FSD1L: variants seen among roughly 807,000 people sequenced by gnomAD.
The protein encoded by FSD1L is fibronectin type III and SPRY domain containing 1 like.
Under a neutral mutation model 71.6 loss-of-function variants are expected in FSD1L, and 45 were observed. The ratio of observed to expected loss-of-function variants is 0.63; its 90% CI spans 0.49 to 0.81. FSD1L has a LOEUF of 0.81. Among genes scored for constraint, FSD1L ranks in the 30% least tolerant of loss-of-function variants. The pLI, the probability that FSD1L is intolerant of heterozygous loss-of-function variation, is 0.00. For missense variants in FSD1L, 561 were observed against 618.1 expected (o/e 0.91, Z 0.98); for synonymous variants, 197 against 207.2 (o/e 0.95, Z 0.42).
At chr9:105,493,753 C>CTT (rs2131301709) in intron 7 of FSD1L, among the ~76,000 whole-genome samples, 1 of 151,800 alleles carries the variant, frequency 6.6e-6, no homozygotes, top group East Asian at 1.9e-4. Flanking sequence ...TTCTCCTTCA[C>CTT]TTATGAAGCT....
At chr9:105,526,269 C>T in intron 10 of FSD1L, 3 of 1,603,720 alleles carry the variant, frequency 1.9e-6, no homozygotes, top group South Asian at 1.1e-5. Flanking sequence ...TTGTCCAGCA[C>T]CACTTAGAAC....
At chr9:105,453,493 T>TTG (rs146784407) in intron 1 of FSD1L, among the ~76,000 whole-genome samples, 2,433 of 150,540 alleles carry the variant, frequency 0.016, 33 homozygotes, top group African/African-American at 0.028. Flanking sequence ...TATTTTTATT[T>TTG]TGTGTGTGTG....
chr9:105,489,637 T>A (rs1368237426), intron 7 of FSD1L, among the ~76,000 whole-genome samples: 1 of 152,152 alleles, frequency 6.6e-6, no homozygotes, highest in East Asian at 1.9e-4. Flanking sequence ...GTATATCTCC[T>A]AAAGCTATCC....
chr9:105,496,202 C>CTTTTTTT lies in FSD1L; in HGVS notation c.587-10184_587-10178dup, dbSNP rs542818608. 1.5e-4 allele frequency among the ~76,000 whole-genome samples: 17 copies of CTTTTTTT among 113,242 alleles called. 1 individual carries two copies. The highest frequency in any genetic ancestry group is 2.2e-4 in the Non-Finnish European group (12 of 55,778). The allele number at this position is 113,242 out of a possible 152,430, so 74.3% of individuals were successfully genotyped here. ...CAGTACCAGGTCTTGATGACTGTAG[C>CTTTTTTT]TTTTTTTTTTTTTTTTTTTGTGTCG... On this transcript the variant is annotated intron_variant, in intron 7 of 13. Coordinates refer to ENST00000481272, the MANE Select transcript of FSD1L (RefSeq NM_001145313.3).
At position 105,486,845 on chromosome 9, in the gene FSD1L, C is replaced by T. The variant is rs75011749; in HGVS notation, c.586+2343C>T. On this transcript the variant is annotated intron_variant, in intron 7 of 13. Coordinates refer to ENST00000481272, the MANE Select transcript of FSD1L (RefSeq NM_001145313.3). ...ACAAAAGAGTATAAAGTAGCCCTCT[C>T]ATCTCAGACTTCCAATTTTCTTCCC... 9.0e-3 allele frequency among the ~76,000 whole-genome samples: 1,377 copies of T among 152,264 alleles called. 22 individuals are homozygous for T. Among genetic ancestry groups the T allele is most frequent in the African/African-American group, 0.032 (1,320 of 41,552 alleles).
chr9:105,459,251 T>C (rs752049754), intron 1 of FSD1L, among the ~76,000 whole-genome samples: 27 of 152,358 alleles, frequency 1.8e-4, no homozygotes, highest in Admixed American at 1.2e-3. Context: ...AGTTTTCATA[T>C]GTTTTGGTGC....
At chr9:105,496,656 T>C (rs748166167) in intron 7 of FSD1L, among the ~76,000 whole-genome samples, 1 of 152,240 alleles carries the variant, frequency 6.6e-6, no homozygotes, top group Non-Finnish European at 1.5e-5. Flanking sequence ...GGTGCTGATG[T>C]AAATGGTATT....
At chr9:105,487,606 TG>T (rs1297230484) in intron 7 of FSD1L, among the ~76,000 whole-genome samples, 31 of 152,250 alleles carry the variant, frequency 2.0e-4, no homozygotes, top group African/African-American at 7.5e-4. Context: ...ATTAATGATA[TG>T]TAGGGTAGGA....
intron 11 of FSD1L, 106 bp downstream of exon 11, chr9:105,534,699 T>G (rs1836150801): frequency 1.5e-6 from 1 of 671,570 alleles, no homozygotes; most frequent in East Asian, 2.8e-5. Context: ...AATAAATCTT[T>G]GCAAGAAATT....
At chr9:105,474,149 A>G (rs891288178) in intron 5 of FSD1L, among the ~76,000 whole-genome samples, 14 of 152,220 alleles carry the variant, frequency 9.2e-5, no homozygotes, top group African/African-American at 2.9e-4. Context: ...ATAGCCTACT[A>G]CATACCTCAG....
chr9:105,482,294 C>T (rs1050273756), intron 6 of FSD1L, among the ~76,000 whole-genome samples: 15 of 150,974 alleles, frequency 9.9e-5, no homozygotes, highest in African/African-American at 3.7e-4. Flanking sequence ...GAATTACTGG[C>T]ATGTACTTCT....
intron 10 of FSD1L, chr9:105,523,042 G>T: frequency 3.1e-6 from 5 of 1,614,130 alleles, no homozygotes; most frequent in Non-Finnish European, 4.2e-6. Flanking sequence ...TTTGGCTTTG[G>T]AGCCGACACT....
Position 105,468,275 on chromosome 9 carries a change from T to C in FSD1L, c.290T>C (p.Met97Thr). 3 of 1,491,608 alleles carry C rather than the reference T, an allele frequency of 2.0e-6. No homozygotes were observed. Among genetic ancestry groups the C allele is most frequent in the Non-Finnish European group, 2.7e-6 (3 of 1,126,108 alleles). The allele number at this position is 1,491,608 out of a possible 1,614,324, so 92.4% of individuals were successfully genotyped here. ...ATACTGGATGAAGTAAAAGAAAGTA[T>C]GATTAACTGTATCAAGCAGGAACAA... The part of the protein sequence containing the change: ...YSILDEVKES[M>T]INCIKQEQAR... Residue 97 changes from methionine (M) to threonine (T), a missense_variant, in exon 4 of 14, where the codon ATG (methionine) becomes ACG (threonine). Met to Thr is a moderately conservative substitution (Grantham distance 81, BLOSUM62 -1). Transcript: ENST00000481272.
At position 105,486,063 on chromosome 9, in the gene FSD1L, G is replaced by A. The variant is rs181043465; in HGVS notation, c.586+1561G>A. On this transcript the variant is annotated intron_variant, in intron 7 of 13. Coordinates refer to ENST00000481272, the MANE Select transcript of FSD1L (RefSeq NM_001145313.3). ...AAAACAAGTTAGTAGTTCTCACACT[G>A]TAATGGAACCTAGGAAGGGGGTAGC... 1.3e-4 allele frequency among the ~76,000 whole-genome samples: 20 copies of A among 149,768 alleles called. 1 individual carries two copies. The East Asian group carries it at 3.5e-3, about 26-fold the overall frequency.
intron 10 of FSD1L, chr9:105,522,419 T>C (rs1835229022): frequency 3.7e-6 from 6 of 1,613,694 alleles, no homozygotes; most frequent in African/African-American, 1.3e-5. Context: ...GATGGAGTCG[T>C]GATCAGCCTG....
intron 10 of FSD1L, among the ~76,000 whole-genome samples, chr9:105,514,131 T>G (rs1375974022): frequency 6.6e-6 from 1 of 152,236 alleles, no homozygotes; most frequent in Non-Finnish European, 1.5e-5. Flanking sequence ...TTTGCATGAG[T>G]AATAATGTGC....
upstream of FSD1L, among the ~76,000 whole-genome samples, chr9:105,443,290 C>T (rs750427317): frequency 3.3e-5 from 5 of 152,170 alleles, no homozygotes; most frequent in Non-Finnish European, 5.9e-5. Context: ...TGGCCGAAGG[C>T]GAAAGGCACA....
intron 7 of FSD1L, among the ~76,000 whole-genome samples, chr9:105,505,030 A>G (rs1472708410): frequency 6.6e-6 from 1 of 152,234 alleles, no homozygotes. Context: ...ACAGTGATAC[A>G]TTATTAGCTA....
At chr9:105,488,649 T>C (rs1832711962) in intron 7 of FSD1L, among the ~76,000 whole-genome samples, 1 of 152,232 alleles carries the variant, frequency 6.6e-6, no homozygotes, top group South Asian at 2.1e-4. Context: ...AATAGAGTTC[T>C]GTTGCTTCAC....
Sources: gnomAD v4.1 joint callset for allele counts (sites outside exome capture counted in the v4.1 genomes callset) on GRCh38, gnomAD v4.1.1 for gene constraint, MANE v1.5 for transcripts, NCBI Gene and HGNC (gene_info 2026-07-23, HGNC 2026-07-21) for gene names.